FAM227B: variants seen among roughly 807,000 people sequenced by gnomAD.
FAM227B encodes the protein protein FAM227B.
In FAM227B, 88 loss-of-function variants were observed where a neutral mutation model predicts 73.8. That is an observed-to-expected ratio of 1.19 (90% CI 1.00 to 1.42). The LOEUF (loss-of-function observed/expected upper bound fraction) is 1.42, where lower values mean the gene tolerates loss of function less well. Among genes scored for constraint, FAM227B ranks in the 40% most tolerant of loss-of-function variants. The pLI is 0.00. For missense variants in FAM227B, 632 were observed against 590.9 expected, an observed-to-expected ratio of 1.07 and a Z score of -0.72; for synonymous variants, 210 against 190.5, an observed-to-expected ratio of 1.10 and a Z score of -0.84.
At chr15:49,471,598 TAAGTA>T (rs1186406874) in intron 11 of FAM227B, among the ~76,000 whole-genome samples, 4 of 151,842 alleles carry the variant, frequency 2.6e-5, no homozygotes, top group Non-Finnish European at 4.4e-5. Flanking sequence ...TGAACATAGT[TAAGTA>T]ATCAATGACT....
At chr15:49,489,077 T>G (rs2056654856) in intron 11 of FAM227B, 1 of 175,116 alleles carries the variant, frequency 5.7e-6, no homozygotes, top group African/African-American at 2.4e-5. Context: ...CACAGGTTTG[T>G]TTTTTTATTT....
intron 11 of FAM227B, among the ~76,000 whole-genome samples, chr15:49,375,196 T>C (rs1012859830): frequency 6.6e-6 from 1 of 152,188 alleles, no homozygotes; most frequent in South Asian, 2.1e-4. Flanking sequence ...TGTTTATACA[T>C]ATACTTTGTT....
chr15:49,555,187 C>T (rs1213914450), intron 9 of FAM227B, among the ~76,000 whole-genome samples: 1 of 152,042 alleles, frequency 6.6e-6, no homozygotes, highest in African/African-American at 2.4e-5. Context: ...GTTTAGTGGC[C>T]AGTAAAAATC....
At chr15:49,574,451 G>A (rs2075319268) in intron 8 of FAM227B, among the ~76,000 whole-genome samples, 1 of 152,116 alleles carries the variant, frequency 6.6e-6, no homozygotes, top group South Asian at 2.1e-4. Flanking sequence ...GAGATCTGTG[G>A]TTTAAAAAGT....
At chr15:49,397,370 G>C (rs1271542458) in intron 11 of FAM227B, among the ~76,000 whole-genome samples, 1 of 152,186 alleles carries the variant, frequency 6.6e-6, no homozygotes, top group Admixed American at 6.5e-5. Flanking sequence ...ATCTACGTCT[G>C]ACTGGTGTAC....
chr15:49,541,144 T>G (rs1022094285), intron 10 of FAM227B, among the ~76,000 whole-genome samples: 10 of 152,216 alleles, frequency 6.6e-5, no homozygotes, highest in African/African-American at 2.4e-4. Flanking sequence ...TGAAACTATA[T>G]TTCTATACCT....
At chr15:49,396,892 G>A (rs1308084415) in intron 11 of FAM227B, among the ~76,000 whole-genome samples, 2 of 152,086 alleles carry the variant, frequency 1.3e-5, no homozygotes, top group Non-Finnish European at 2.9e-5. Context: ...CCACAAAGAT[G>A]GGGAAAAAAC....
intron 3 of FAM227B, among the ~76,000 whole-genome samples, chr15:49,606,916 T>A (rs12913706): frequency 0.053 from 8,003 of 152,238 alleles, 362 homozygotes; most frequent in East Asian, 0.24. Context: ...TATAACCAAA[T>A]AATAGCAAAA....
intron 13 of FAM227B, chr15:49,366,382 G>A: frequency 1.3e-6 from 1 of 793,054 alleles, no homozygotes; most frequent in South Asian, 1.4e-5. Flanking sequence ...GTGCATTTCT[G>A]GTGTTTTCAA....
At chr15:49,473,362 G>A (rs1408902242) in intron 11 of FAM227B, among the ~76,000 whole-genome samples, 1 of 152,024 alleles carries the variant, frequency 6.6e-6, no homozygotes, top group Non-Finnish European at 1.5e-5. Context: ...AAAGAACATT[G>A]AGTTAAATAT....
intron 9 of FAM227B, among the ~76,000 whole-genome samples, chr15:49,563,641 GAC>G (rs775975831): frequency 6.6e-6 from 1 of 152,076 alleles, no homozygotes; most frequent in Non-Finnish European, 1.5e-5. Context: ...TTGAACAGCA[GAC>G]ACACAGACAA....
At chr15:49,444,977 T>G (rs2052048987) in intron 11 of FAM227B, among the ~76,000 whole-genome samples, 1 of 151,592 alleles carries the variant, frequency 6.6e-6, no homozygotes, top group Non-Finnish European at 1.5e-5. Flanking sequence ...TGTATTCATA[T>G]TCATTCTGAT....
chr15:49,605,471 G>A (rs2077455784), intron 3 of FAM227B, among the ~76,000 whole-genome samples: 1 of 152,242 alleles, frequency 6.6e-6, no homozygotes, highest in Non-Finnish European at 1.5e-5. Flanking sequence ...AGGCAGGACT[G>A]AAGCCTGGGT....
chr15:49,610,172 A>G (rs1390776514), intron 3 of FAM227B, among the ~76,000 whole-genome samples: 2 of 152,026 alleles, frequency 1.3e-5, no homozygotes, highest in African/African-American at 2.4e-5. Context: ...TCAAACATGT[A>G]TAATAATACA....
intron 11 of FAM227B, among the ~76,000 whole-genome samples, chr15:49,439,931 A>G (rs1216657611): frequency 2.0e-5 from 3 of 151,790 alleles, no homozygotes; most frequent in Admixed American, 6.6e-5. Context: ...GATAGCCCTC[A>G]GGGAAACTGG....
At chr15:49,467,188 C>T (rs372858116) in intron 11 of FAM227B, among the ~76,000 whole-genome samples, 36 of 152,226 alleles carry the variant, frequency 2.4e-4, no homozygotes, top group African/African-American at 8.4e-4. Flanking sequence ...ATCATCTAAG[C>T]TGCTGTCTCT....
chr15:49,551,948 GT>G (rs1215552007), intron 9 of FAM227B, among the ~76,000 whole-genome samples: 1 of 152,102 alleles, frequency 6.6e-6, no homozygotes, highest in Non-Finnish European at 1.5e-5. Flanking sequence ...GTCTTAAAAA[GT>G]TGTTGAAATT....
chr15:49,464,712 T>C (rs2151942563), intron 11 of FAM227B, among the ~76,000 whole-genome samples: 1 of 152,250 alleles, frequency 6.6e-6, no homozygotes, highest in South Asian at 2.1e-4. Context: ...AAATGACCAA[T>C]AAAGTAATGG....
chr15:49,484,296 G>A, intron 11 of FAM227B: 1 of 1,571,190 alleles, frequency 6.4e-7, no homozygotes, highest in South Asian at 1.1e-5. Flanking sequence ...CTGTTTGTTT[G>A]TTTGTTTTAA....
Sources: gnomAD v4.1 joint callset for allele counts (sites outside exome capture counted in the v4.1 genomes callset) on GRCh38, gnomAD v4.1.1 for gene constraint, MANE v1.5 for transcripts, NCBI Gene and HGNC (gene_info 2026-07-23, HGNC 2026-07-21) for gene names.